Variants in ARSB observed in about 807,000 individuals in gnomAD.
The protein encoded by ARSB is arylsulfatase B, also known as N-acetylgalactosamine-4-sulfatase.
Under a neutral mutation model 50.9 loss-of-function variants are expected in ARSB, and 41 were observed. That is an observed-to-expected ratio of 0.81 (90% CI 0.63 to 1.04). ARSB has a LOEUF of 1.04. ARSB is among the 50% of genes least tolerant of loss of function. The pLI, the probability that ARSB is intolerant of heterozygous loss-of-function variation, is 0.00. For missense variants in ARSB, 672 were observed against 693.3 expected (o/e 0.97, Z 0.35); for synonymous variants, 269 against 284.8 (o/e 0.94, Z 0.56).
intron 4 of ARSB, among the ~76,000 whole-genome samples, chr5:78,898,122 G>T (rs942818753): frequency 1.3e-5 from 2 of 152,092 alleles, no homozygotes; most frequent in Admixed American, 6.5e-5. Flanking sequence ...ACAAAAATTA[G>T]CCAGGTGTGG....
chr5:78,879,561 C>T (rs1747646820), intron 5 of ARSB, among the ~76,000 whole-genome samples: 1 of 152,222 alleles, frequency 6.6e-6, no homozygotes, highest in Non-Finnish European at 1.5e-5. Context: ...TACTGGCATT[C>T]CTATTTCACG....
chr5:78,854,430 A>G (rs768901884), intron 5 of ARSB, among the ~76,000 whole-genome samples: 1 of 152,060 alleles, frequency 6.6e-6, no homozygotes, highest in Non-Finnish European at 1.5e-5. Flanking sequence ...CTGTATGTCT[A>G]TTTTCATTTC....
chr5:78,964,613 G>T lies in ARSB; in HGVS notation c.500-7C>A, dbSNP rs1322794828. 13 of 1,612,104 alleles carry T rather than the reference G, an allele frequency of 8.1e-6. No individual in the cohort carries two copies. Among genetic ancestry groups the T allele is most frequent in the Non-Finnish European group, 1.0e-5 (12 of 1,179,544 alleles). On this transcript the variant is annotated splice_region_variant and splice_polypyrimidine_tract_variant and intron_variant, in intron 2 of 7. Coordinates refer to ENST00000264914, the MANE Select transcript of ARSB (RefSeq NM_000046.5). ...TCACTACCCAGGAGATATCCTGCAA[G>T]AATGGAAGACGAAAATAGTCAGCAT...
chr5:78,869,968 A>G (rs886223723), intron 5 of ARSB, among the ~76,000 whole-genome samples: 1 of 150,622 alleles, frequency 6.6e-6, no homozygotes, highest in Non-Finnish European at 1.5e-5. Flanking sequence ...ACAATAAAAA[A>G]TGATAAAGGG....
chr5:78,807,122 G>A (rs1743594142), intron 6 of ARSB, among the ~76,000 whole-genome samples: 1 of 151,944 alleles, frequency 6.6e-6, no homozygotes, highest in African/African-American at 2.4e-5. Context: ...CACGAGGGTG[G>A]TAGAAATAAG....
intron 6 of ARSB, among the ~76,000 whole-genome samples, chr5:78,795,352 G>A (rs1366498231): frequency 1.3e-5 from 2 of 152,128 alleles, no homozygotes; most frequent in Non-Finnish European, 2.9e-5. Context: ...CCCCCATGTG[G>A]GTGCAGGTAC....
chr5:78,936,794 T>C (rs915102708), intron 4 of ARSB, among the ~76,000 whole-genome samples: 13 of 152,310 alleles, frequency 8.5e-5, no homozygotes, highest in African/African-American at 3.1e-4. Context: ...TTCAATAATG[T>C]TTGTTTGCAG....
At chr5:78,962,259 A>G (rs562597642) in intron 3 of ARSB, among the ~76,000 whole-genome samples, 1 of 152,370 alleles carries the variant, frequency 6.6e-6, no homozygotes, top group African/African-American at 2.4e-5. Flanking sequence ...GTTAAGGTGC[A>G]TCCATAAAAT....
intron 6 of ARSB, among the ~76,000 whole-genome samples, chr5:78,822,331 T>G (rs1197941754): frequency 6.6e-6 from 1 of 152,174 alleles, no homozygotes; most frequent in Admixed American, 6.5e-5. Context: ...AGTTTATTAC[T>G]GTCATCAAGG....
intron 6 of ARSB, among the ~76,000 whole-genome samples, chr5:78,826,809 A>G (rs1337322209): frequency 2.6e-5 from 4 of 152,230 alleles, no homozygotes; most frequent in African/African-American, 7.2e-5. Context: ...AAAATAAGTG[A>G]GAGAGATACT....
In ARSB at chr5:78,955,359, T is replaced by C; in HGVS notation, c.834A>G (p.Gly278=). ...TGCTTTTTAAAGCTGCAGTGACATTTCCTACTGCTTCATCCATAAGGGACA... is the reference window on the plus strand; with the variant it reads ...TGCTTTTTAAAGCTGCAGTGACATTCCCTACTGCTTCATCCATAAGGGACA... The part of the protein sequence containing the change: ...GMVSLMDEAV[G]NVTAALKSSG... Residue 278 remains glycine, a synonymous_variant, in exon 4 of 8, where the codon GGA becomes GGG. Coordinates refer to ENST00000264914, the MANE Select transcript of ARSB (RefSeq NM_000046.5). 6.2e-7 allele frequency: 1 copy of C among 1,614,196 alleles called. No individual in the cohort carries two copies. Among genetic ancestry groups the C allele is most frequent in the Non-Finnish European group, 8.5e-7 (1 of 1,180,020 alleles).
At chr5:78,817,094 C>T (rs1361566398) in intron 6 of ARSB, 2 of 985,408 alleles carry the variant, frequency 2.0e-6, no homozygotes, top group South Asian at 4.7e-5. Flanking sequence ...TGTAGCAGTA[C>T]CCTCCTTGTC....
In ARSB at chr5:78,830,648, C is replaced by T. The variant is rs73122622; in HGVS notation, c.1213+8708G>A. On this transcript the variant is annotated intron_variant, in intron 6 of 7. Coordinates refer to ENST00000264914, the MANE Select transcript of ARSB (RefSeq NM_000046.5). ...TGTGTGAAGTGGGGTGGAGGGGATA[C>T]GAGGCTTGTGGGACTGCCTTTGGCA... Among the ~76,000 whole-genome samples the T allele has an allele frequency of 9.9e-3, 1,512 of 152,126 alleles. 29 individuals carry two copies. The highest frequency in any genetic ancestry group is 0.035 in the African/African-American group (1,446 of 41,488).
intron 4 of ARSB, among the ~76,000 whole-genome samples, chr5:78,909,758 C>T (rs1380651048): frequency 6.6e-6 from 1 of 152,178 alleles, no homozygotes; most frequent in African/African-American, 2.4e-5. Flanking sequence ...TGGGAAAGAC[C>T]TGACCATCCC....
At chr5:78,787,433 G>A (rs1400545633) in intron 6 of ARSB, among the ~76,000 whole-genome samples, 1 of 152,186 alleles carries the variant, frequency 6.6e-6, no homozygotes, top group Non-Finnish European at 1.5e-5. Flanking sequence ...AAGACAGGAG[G>A]CAGAGGTTTC....
intron 4 of ARSB, among the ~76,000 whole-genome samples, chr5:78,898,040 G>A (rs1748651931): frequency 6.6e-6 from 1 of 152,262 alleles, no homozygotes; most frequent in African/African-American, 2.4e-5. Context: ...GGCTGAGGTG[G>A]ATGGATCACA....
chr5:78,831,066 T>C (rs537688117), intron 6 of ARSB, among the ~76,000 whole-genome samples: 12 of 152,264 alleles, frequency 7.9e-5, no homozygotes, highest in African/African-American at 2.6e-4. Flanking sequence ...GAGAAATACA[T>C]AAAGTGAAAA....
chr5:78,829,491 T>G (rs1012505485), intron 6 of ARSB, among the ~76,000 whole-genome samples: 2 of 152,246 alleles, frequency 1.3e-5, no homozygotes, highest in African/African-American at 4.8e-5. Context: ...ATTTTATAAC[T>G]GTGTTAATAT....
intron 5 of ARSB, among the ~76,000 whole-genome samples, chr5:78,856,115 A>G (rs1269853434): frequency 6.6e-6 from 1 of 152,148 alleles, no homozygotes; most frequent in African/African-American, 2.4e-5. Context: ...TTATCCCAGC[A>G]CTATTTTTTT....
Sources: gnomAD v4.1 joint callset for allele counts (sites outside exome capture counted in the v4.1 genomes callset) on GRCh38, gnomAD v4.1.1 for gene constraint, MANE v1.5 for transcripts, NCBI Gene and HGNC (gene_info 2026-07-23, HGNC 2026-07-21) for gene names.